The following ATG12 variants were observed in gnomAD, a reference collection of about 807,000 sequenced individuals.
The protein encoded by ATG12 is ubiquitin-like protein ATG12.
ATG12 carries 19 observed loss-of-function variants against 17.6 expected under a neutral mutation model. That is an observed-to-expected ratio of 1.08 (90% CI 0.75 to 1.58). The LOEUF (loss-of-function observed/expected upper bound fraction) is 1.58, where lower values mean the gene tolerates loss of function less well. ATG12 is among the 40% of genes most tolerant of loss of function. ATG12 has a pLI of 0.00. For missense variants in ATG12, 214 were observed against 162.0 expected (o/e 1.32, Z -1.74); for synonymous variants, 75 against 62.4 (o/e 1.20, Z -0.95).
intron 2 of ATG12, chr5:115,835,170 T>C (rs1230758584): frequency 6.6e-6 from 1 of 152,194 alleles, no homozygotes. Context: ...TCTTATACCA[T>C]CTTATTGTTT....
At chr5:115,835,831 T>G (rs543565522) in intron 2 of ATG12, among the ~76,000 whole-genome samples, 7 of 152,192 alleles carry the variant, frequency 4.6e-5, no homozygotes, top group Admixed American at 3.3e-4. Flanking sequence ...GCAGGTCCTG[T>G]GGTTGCTGGT....
At chr5:115,834,791 C>A (rs531013241) in intron 2 of ATG12, 1 of 152,174 alleles carries the variant, frequency 6.6e-6, no homozygotes, top group Non-Finnish European at 1.5e-5. Flanking sequence ...TCTTTCCCGT[C>A]CCCTACATTT....
rs1314781226 is a variant in ATG12, at chr5:115,829,512, T to A, written c.*2292A>T. 1 of 152,200 alleles carries A rather than the reference T, an allele frequency of 6.6e-6. No homozygotes were observed. Among genetic ancestry groups the A allele is most frequent in the Non-Finnish European group, 1.5e-5 (1 of 68,036 alleles). 9.4% of individuals were successfully genotyped at this position (152,200 alleles called of 1,614,324 possible). A position where few individuals can be genotyped will look rare whatever the true frequency, so the allele number is the denominator to read the frequency against. On this transcript the variant is annotated 3_prime_UTR_variant, in exon 4 of 4. Transcript: ENST00000509910. ...TTTGGCATACTTTTAAAGATGGAAG[T>A]ACAATATTGCAATATTATACATATA...
chr5:115,839,484 C>T (rs1761239117), intron 1 of ATG12: 1 of 152,114 alleles, frequency 6.6e-6, no homozygotes, highest in African/African-American at 2.4e-5. Context: ...TCGATTAATT[C>T]AATTAAACAT....
chr5:115,840,975 G>A, intron 1 of ATG12: 1 of 980,094 alleles, frequency 1.0e-6, no homozygotes, highest in South Asian at 1.3e-5. Flanking sequence ...AAGTTGGAAG[G>A]CATGAATTCT....
intron 2 of ATG12, chr5:115,833,997 G>C (rs1760992063): frequency 1.3e-5 from 2 of 152,172 alleles, no homozygotes; most frequent in Admixed American, 6.6e-5. Flanking sequence ...AGGAGAGGCA[G>C]AGACACACAT....
chr5:115,835,185 C>T (rs1301755498), intron 2 of ATG12: 2 of 151,930 alleles, frequency 1.3e-5, no homozygotes, highest in African/African-American at 2.4e-5. Flanking sequence ...TTGTTTTTAG[C>T]TCATTTTGAA....
At chr5:115,841,179 C>CA in intron 1 of ATG12, 1 of 553,728 alleles carries the variant, frequency 1.8e-6, no homozygotes, top group African/African-American at 2.0e-5. Context: ...AGCCAAGTAT[C>CA]AGGCCCTACA....
chr5:115,831,042 T>C lies in ATG12; in HGVS notation c.*762A>G, dbSNP rs1205338057. 6.6e-6 allele frequency: 1 copy of C among 152,252 alleles called. No individual in the cohort carries two copies. Among genetic ancestry groups the C allele is most frequent in the Non-Finnish European group, 1.5e-5 (1 of 68,038 alleles). The allele number at this position is 152,252 out of a possible 1,614,324, so 9.4% of individuals were successfully genotyped here. On this transcript the variant is annotated 3_prime_UTR_variant, in exon 4 of 4. Transcript: ENST00000509910. Reference sequence around the variant, plus strand: ...TACTGGGTTTACTCATCAAGTGCTTTTGACACCATATAAATGACAGAGTAA... The same window carrying C: ...TACTGGGTTTACTCATCAAGTGCTTCTGACACCATATAAATGACAGAGTAA...
At chr5:115,840,183 T>C (rs142716363) in intron 1 of ATG12, among the ~76,000 whole-genome samples, 7 of 152,208 alleles carry the variant, frequency 4.6e-5, no homozygotes, top group South Asian at 2.1e-4. Context: ...GAAATACTTA[T>C]AGTGCATCAG....
In ATG12 at chr5:115,832,571, C is replaced by CTTTTTTTTT. The variant is rs35310189; in HGVS notation, c.363+22_363+30dup. On this transcript the variant is annotated intron_variant, in intron 3 of 3. Transcript: ENST00000509910. Reference sequence around the variant, plus strand: ...AAGAAAAAAAAGCAGTAATTTCTTTCTTTTTTTTTTTTTTTTTTTTTTTTT... The same window carrying CTTTTTTTTT: ...AAGAAAAAAAAGCAGTAATTTCTTTCTTTTTTTTTTTTTTTTTTTTTTTTTTTTTTTTTT... The CTTTTTTTTT allele has an allele frequency of 5.6e-5, 45 of 802,456 alleles. No homozygotes were observed. The African/African-American group carries it at 8.1e-4, about 14-fold the overall frequency. 49.7% of individuals were successfully genotyped at this position (802,456 alleles called of 1,614,324 possible). A position where few individuals can be genotyped will look rare whatever the true frequency, so the allele number is the denominator to read the frequency against.
At chr5:115,840,187 G>A (rs1177462393) in intron 1 of ATG12, among the ~76,000 whole-genome samples, 1 of 152,180 alleles carries the variant, frequency 6.6e-6, no homozygotes, top group Non-Finnish European at 1.5e-5. Context: ...TACTTATAGT[G>A]CATCAGGTGG....
At chr5:115,839,965 ATATT>A (rs1391514880) in intron 1 of ATG12, among the ~76,000 whole-genome samples, 5 of 152,256 alleles carry the variant, frequency 3.3e-5, no homozygotes, top group African/African-American at 1.2e-4. Context: ...CCCTCGGGCA[ATATT>A]TAGATTGTAA....
rs934056017 is a variant in ATG12 at position 115,830,042 on chromosome 5, G to C, written c.*1762C>G. ...TGAGGCAGGAGAATCACTTGAACCC[G>C]GGAGGTAGAGGTTGCAATGAGCCAA... On this transcript the variant is annotated 3_prime_UTR_variant, in exon 4 of 4. Transcript: ENST00000509910. 10 of 150,978 alleles carry C rather than the reference G, an allele frequency of 6.6e-5. 1 individual carries two copies. The highest frequency in any genetic ancestry group is 5.8e-4 in the East Asian group (3 of 5,158). 9.4% of individuals were successfully genotyped at this position (150,978 alleles called of 1,614,324 possible).
chr5:115,832,162 G>A (rs1760894374), intron 3 of ATG12, among the ~76,000 whole-genome samples: 1 of 151,638 alleles, frequency 6.6e-6, no homozygotes, highest in Admixed American at 6.6e-5. Context: ...TCTAGTAGTG[G>A]TGCTAGTATG....
rs532922384 is a variant in ATG12 at position 115,841,485 on chromosome 5, G to T, written c.68C>A (p.Thr23Lys). 6.8e-6 allele frequency: 11 copies of T among 1,611,862 alleles called. No individual in the cohort carries two copies. In the African/African-American group the frequency reaches 1.2e-4, roughly 18 times the overall value. ...TSIAAGGEGL[T>K]DVSPETTTPE... ...GGTGGTTGTTTCTGGGGAGACATCCGTAAGTCCTTCCCCTCCAGCAGCAAT... is the reference window on the plus strand; with the variant it reads ...GGTGGTTGTTTCTGGGGAGACATCCTTAAGTCCTTCCCCTCCAGCAGCAAT... Residue 23 changes from threonine (T) to lysine (K), a missense_variant, in exon 1 of 4, where the codon ACG becomes AAG. Coordinates refer to ENST00000509910, the MANE Select transcript of ATG12 (RefSeq NM_004707.4).
rs1760756912 is a variant in ATG12, at chr5:115,829,067, AT to A, written c.*2736del. 6.6e-6 allele frequency: 1 copy of A among 152,236 alleles called. No individual in the cohort carries two copies. Among genetic ancestry groups the A allele is most frequent in the African/African-American group, 2.4e-5 (1 of 41,460 alleles). 9.4% of individuals were successfully genotyped at this position (152,236 alleles called of 1,614,324 possible). On this transcript the variant is annotated 3_prime_UTR_variant, in exon 4 of 4. Coordinates refer to ENST00000509910, the MANE Select transcript of ATG12 (RefSeq NM_004707.4). ...TGGTGAATAATCCAGTTTGGGTTAA[AT>A]AATGTAGGCAGAGTATTTATATAAA... is the stretch of plus-strand genomic sequence containing the variant.
At chr5:115,839,955 C>A (rs1158774765) in intron 1 of ATG12, among the ~76,000 whole-genome samples, 1 of 152,306 alleles carries the variant, frequency 6.6e-6, no homozygotes, top group South Asian at 2.1e-4. Flanking sequence ...AGAAAATATG[C>A]CCTCGGGCAA....
rs918951851 is a variant in ATG12 at position 115,829,307 on chromosome 5, G to C, written c.*2497C>G. The C allele has an allele frequency of 2.6e-5, 4 of 152,118 alleles. No individual in the cohort carries two copies. The highest frequency in any genetic ancestry group is 2.0e-4 in the Admixed American group (3 of 15,274). The allele number at this position is 152,118 out of a possible 1,614,324, so 9.4% of individuals were successfully genotyped here. A position where few individuals can be genotyped will look rare whatever the true frequency, so the allele number is the denominator to read the frequency against. On this transcript the variant is annotated 3_prime_UTR_variant, in exon 4 of 4. Transcript: ENST00000509910. Reference sequence around the variant, plus strand: ...TCTCACTTTGTGTTACAACTAAATTGGTTGACTAATGTCATGTAATCTGAG... The same window carrying C: ...TCTCACTTTGTGTTACAACTAAATTCGTTGACTAATGTCATGTAATCTGAG...
Sources: allele counts gnomAD v4.1 joint callset (sites outside exome capture counted in the v4.1 genomes callset), GRCh38; gene constraint gnomAD v4.1.1; transcripts MANE v1.5; gene names NCBI Gene and HGNC (gene_info 2026-07-23, HGNC 2026-07-21).